EIF2S1: variants seen among roughly 807,000 people sequenced by gnomAD.
The protein encoded by EIF2S1 is eukaryotic translation initiation factor 2 subunit alpha, also known as eukaryotic translation initiation factor 2 subunit 1.
In EIF2S1, 5 loss-of-function variants were observed where a neutral mutation model predicts 33.5. The observed-to-expected ratio is 0.15, with a 90% CI of 0.08 to 0.31. EIF2S1 has a LOEUF of 0.31. EIF2S1 is among the 10% of genes least tolerant of loss of function. The pLI is 1.00. For missense variants in EIF2S1, 191 were observed against 384.6 expected (o/e 0.50, Z 4.21); for synonymous variants, 99 against 127.5 (o/e 0.78, Z 1.51).
At position 67,364,753 on chromosome 14, in the gene EIF2S1, T is replaced by C; in HGVS notation, c.-1-14T>C. 2 of 1,605,178 alleles carry C rather than the reference T, an allele frequency of 1.2e-6. No individual in the cohort carries two copies. Among genetic ancestry groups the C allele is most frequent in the Admixed American group, 1.7e-5 (1 of 59,178 alleles). ...TAACTGAATACTTACTTAATTCTTT[T>C]GTTTAAATTGCAGAATGCCGGGTCT... is the stretch of plus-strand genomic sequence containing the variant. On this transcript the variant is annotated splice_polypyrimidine_tract_variant and intron_variant, in intron 1 of 7. Coordinates refer to ENST00000256383, the MANE Select transcript of EIF2S1 (RefSeq NM_004094.5).
At chr14:67,366,756 A>G (rs1285205323) in intron 2 of EIF2S1, among the ~76,000 whole-genome samples, 2 of 152,148 alleles carry the variant, frequency 1.3e-5, no homozygotes, top group African/African-American at 4.8e-5. Context: ...ACAAGTATGA[A>G]AAATAACTAC....
Position 67,376,600 on chromosome 14 carries a change from C to T in EIF2S1, c.473+10C>T. On this transcript the variant is annotated intron_variant, in intron 4 of 7. Transcript: ENST00000256383. ...TTAAGCATGCAGTCTCGTAAGAATA[C>T]CTTCTTGACTCTCCTTCTACCTTGA... The T allele has an allele frequency of 6.2e-7, 1 of 1,611,160 alleles. No individual in the cohort carries two copies. Among genetic ancestry groups the T allele is most frequent in the East Asian group, 2.2e-5 (1 of 44,828 alleles).
chr14:67,370,240 A>G (rs942040926), intron 2 of EIF2S1, among the ~76,000 whole-genome samples: 1 of 152,224 alleles, frequency 6.6e-6, no homozygotes, highest in Non-Finnish European at 1.5e-5. Flanking sequence ...CGTTAGGACC[A>G]TTATGGACAT....
rs1229457212 is a variant in EIF2S1 at position 67,365,636 on chromosome 14, C to CT, written c.241+635dup. Among the ~76,000 whole-genome samples, 4 of 152,200 alleles carry CT rather than the reference C, an allele frequency of 2.6e-5. No individual in the cohort carries two copies. In the East Asian group the frequency reaches 5.8e-4, roughly 22 times the overall value. On this transcript the variant is annotated intron_variant, in intron 2 of 7. Transcript: ENST00000256383. ...GTAAATCATCACCTTTGTGAATACT[C>CT]TTTTTTTAAACATGGTGTACAATAC...
At chr14:67,378,803 T>G (rs1346080213) in intron 4 of EIF2S1, among the ~76,000 whole-genome samples, 1 of 152,244 alleles carries the variant, frequency 6.6e-6, no homozygotes, top group Non-Finnish European at 1.5e-5. Context: ...TTTCTTTTAA[T>G]TACATAAAAT....
At chr14:67,369,797 C>G (rs2085807096) in intron 2 of EIF2S1, among the ~76,000 whole-genome samples, 2 of 152,120 alleles carry the variant, frequency 1.3e-5, no homozygotes, top group South Asian at 4.1e-4. Context: ...GTTATCTAGG[C>G]TTTTGTTTTA....
chr14:67,373,842 AGT>A (rs35163593), intron 2 of EIF2S1, among the ~76,000 whole-genome samples: 7,549 of 145,382 alleles, frequency 0.052, 276 homozygotes, highest in African/African-American at 0.1. Context: ...TAATTTGTTC[AGT>A]GTGTGTGTGT....
intron 2 of EIF2S1, among the ~76,000 whole-genome samples, chr14:67,372,826 C>CAA (rs61111379): frequency 0.02 from 2,783 of 138,424 alleles, 33 homozygotes; most frequent in Non-Finnish European, 0.03. Context: ...GACTCCATCT[C>CAA]AAAAAAAAAA....
At chr14:67,369,970 G>A (rs890279625) in intron 2 of EIF2S1, among the ~76,000 whole-genome samples, 15 of 152,132 alleles carry the variant, frequency 9.9e-5, no homozygotes, top group African/African-American at 3.4e-4. Flanking sequence ...TGAGAGCCCC[G>A]AACAGAGATT....
At chr14:67,372,672 A>T (rs1224628249) in intron 2 of EIF2S1, among the ~76,000 whole-genome samples, 1 of 152,062 alleles carries the variant, frequency 6.6e-6, no homozygotes, top group African/African-American at 2.4e-5. Context: ...CTACTAAAAT[A>T]TAAAAAATTA....
intron 6 of EIF2S1, 128 bp from the exon 7 acceptor site, chr14:67,382,319 C>A (rs1214564766): frequency 1.3e-6 from 1 of 755,022 alleles, no homozygotes; most frequent in Non-Finnish European, 2.1e-6. Flanking sequence ...AAATTACTGT[C>A]CTGTAGAATT....
intron 2 of EIF2S1, 139 bp from the exon 3 acceptor site, chr14:67,374,329 G>A (rs2085845155): frequency 4.2e-6 from 2 of 473,568 alleles, no homozygotes; most frequent in East Asian, 3.0e-5. Context: ...TAATACTTAT[G>A]CAGTATTTTG....
At position 67,364,913 on chromosome 14, in the gene EIF2S1, G is replaced by C; in HGVS notation, c.146G>C (p.Ser49Thr). 6.2e-7 allele frequency: 1 copy of C among 1,614,066 alleles called. No homozygotes were observed. Among genetic ancestry groups the C allele is most frequent in the Non-Finnish European group, 8.5e-7 (1 of 1,179,954 alleles). Residue 49 changes from serine (S) to threonine (T), a missense_variant, in exon 2 of 8, where the codon AGT becomes ACT. Ser to Thr is a moderately conservative substitution (Grantham distance 58). Transcript: ENST00000256383. ...AACATTGAAGGCATGATTCTTCTTA[G>C]TGAATTATCCAGAAGGCGTATCCGT... The part of the protein sequence containing the change: ...YNNIEGMILL[S>T]ELSRRRIRSI...
At chr14:67,368,761 G>A (rs568770749) in intron 2 of EIF2S1, among the ~76,000 whole-genome samples, 1 of 152,272 alleles carries the variant, frequency 6.6e-6, no homozygotes, top group Admixed American at 6.5e-5. Flanking sequence ...AGTGGTCTGT[G>A]CTTGTAGTCA....
rs988846622 is a variant in EIF2S1, at chr14:67,364,495, G to A, written c.-1-272G>A. 1.0e-4 allele frequency: 35 copies of A among 337,516 alleles called. No homozygotes were observed. The Admixed American group carries it at 1.5e-3, about 14-fold the overall frequency. The allele number at this position is 337,516 out of a possible 1,614,324, so 20.9% of individuals were successfully genotyped here. A position where few individuals can be genotyped will look rare whatever the true frequency, so the allele number is the denominator to read the frequency against. On this transcript the variant is annotated intron_variant, in intron 1 of 7. Transcript: ENST00000256383. ...TCCTTAGGTCTTGGAGTACTTTATA[G>A]ATGGTCATTATTTTTTATGATTCCT...
intron 6 of EIF2S1, 81 bp from the exon 7 acceptor site, chr14:67,382,366 G>T: frequency 7.6e-7 from 1 of 1,324,056 alleles, no homozygotes; most frequent in Non-Finnish European, 1.0e-6. Flanking sequence ...TAATACAGCA[G>T]ATTAATAAAA....
chr14:67,380,796 AT>A, intron 5 of EIF2S1, 31 bp downstream of exon 5: 1 of 1,216,616 alleles, frequency 8.2e-7, no homozygotes, highest in South Asian at 1.7e-5. Flanking sequence ...TTTTTACAGT[AT>A]TTTGCATGCA....
intron 1 of EIF2S1, among the ~76,000 whole-genome samples, chr14:67,363,118 A>T (rs1451993648): frequency 6.6e-6 from 1 of 152,162 alleles, no homozygotes; most frequent in Non-Finnish European, 1.5e-5. Context: ...ACATTTCTGT[A>T]ACATAGTTTA....
At chr14:67,382,055 C>G (rs1181240962) in intron 6 of EIF2S1, among the ~76,000 whole-genome samples, 1 of 152,070 alleles carries the variant, frequency 6.6e-6, no homozygotes, top group Non-Finnish European at 1.5e-5. Context: ...CAGAATCTTT[C>G]ATTAGTGATA....
Sources: gnomAD v4.1 joint callset for allele counts (sites outside exome capture counted in the v4.1 genomes callset) on GRCh38, gnomAD v4.1.1 for gene constraint, MANE v1.5 for transcripts, NCBI Gene and HGNC (gene_info 2026-07-23, HGNC 2026-07-21) for gene names.